The following FAM81B variants were observed in gnomAD, a reference collection of about 807,000 sequenced individuals.
The protein encoded by FAM81B is protein FAM81B.
Under a neutral mutation model 58.7 loss-of-function variants are expected in FAM81B, and 60 were observed. That is an observed-to-expected ratio of 1.02 (90% CI 0.83 to 1.27). The LOEUF (loss-of-function observed/expected upper bound fraction) is 1.27. FAM81B is among the 50% of genes most tolerant of loss of function. The pLI is 0.00. For synonymous variants in FAM81B, 189 were observed against 179.6 expected, an observed-to-expected ratio of 1.05 and a Z score of -0.42; for missense variants, 491 against 522.0, an observed-to-expected ratio of 0.94 and a Z score of 0.58.
In FAM81B at chr5:95,450,006, C is replaced by A. The variant is rs1463239973; in HGVS notation, c.1226-143C>A. On this transcript the variant is annotated intron_variant, in intron 9 of 9. Transcript: ENST00000283357. ...TGACATACAAGAAATATATTATGTA[C>A]AATTTTAGGCTGGTCTTCATAGAAT... 3 of 849,744 alleles carry A rather than the reference C, an allele frequency of 3.5e-6. No homozygotes were observed. The East Asian group carries it at 8.4e-5, about 24-fold the overall frequency. 52.6% of individuals were successfully genotyped at this position (849,744 alleles called of 1,614,324 possible).
intron 5 of FAM81B, among the ~76,000 whole-genome samples, chr5:95,422,375 C>T (rs2152765324): frequency 6.6e-6 from 1 of 151,732 alleles, no homozygotes; most frequent in African/African-American, 2.4e-5. Flanking sequence ...AGTTTTATAA[C>T]ATTTGGGTAA....
chr5:95,395,513 T>C (rs1056380321), intron 2 of FAM81B, among the ~76,000 whole-genome samples: 2 of 152,164 alleles, frequency 1.3e-5, no homozygotes, highest in African/African-American at 4.8e-5. Flanking sequence ...TTGGGTATCT[T>C]CTTTCCTGTC....
At chr5:95,392,273 T>G (rs1366704242) in intron 1 of FAM81B, among the ~76,000 whole-genome samples, 2 of 152,106 alleles carry the variant, frequency 1.3e-5, no homozygotes, top group Non-Finnish European at 2.9e-5. Context: ...AAACACCACA[T>G]GTTCTCACTC....
chr5:95,409,486 T>TTTTTTTTTTTTTTTTTTTTTTTAG (rs1554043553), intron 3 of FAM81B, among the ~76,000 whole-genome samples: 2 of 151,510 alleles, frequency 1.3e-5, no homozygotes, highest in South Asian at 2.1e-4. Flanking sequence ...GAATTTTTCT[T>TTTTTTTTTTTTTTTTTTTTTTTAG]AATGTGGCTA....
intron 3 of FAM81B, among the ~76,000 whole-genome samples, chr5:95,397,688 G>A (rs116996004): frequency 1.1e-3 from 174 of 152,270 alleles, no homozygotes; most frequent in East Asian, 0.011. Flanking sequence ...ATAATGCAAA[G>A]CAAAAGCATG....
chr5:95,414,738 C>T (rs892613456), intron 4 of FAM81B, among the ~76,000 whole-genome samples: 1 of 152,278 alleles, frequency 6.6e-6, no homozygotes, highest in Non-Finnish European at 1.5e-5. Flanking sequence ...TCCTATGCAA[C>T]GTGCTTCATT....
chr5:95,420,306 C>T lies in FAM81B; in HGVS notation c.560C>T (p.Ala187Val), dbSNP rs11555275. ...CAGATTTTAGAAGACCAAATAAGAG[C>T]TCGAGATCAGGCGGCCACAGGAACT... ...NIEILEDQIR[A>V]RDQAATGTNF... The change falls in exon 5 of 10, where the codon GCT becomes GTT. Residue 187 changes from alanine to valine, a missense_variant. Coordinates refer to ENST00000283357, the MANE Select transcript of FAM81B (RefSeq NM_152548.3). The T allele has an allele frequency of 0.026, 41,427 of 1,613,600 alleles. 640 individuals carry two copies. Among genetic ancestry groups the T allele is most frequent in the Middle Eastern group, 0.03 (179 of 6,062 alleles).
intron 6 of FAM81B, among the ~76,000 whole-genome samples, chr5:95,431,315 C>A (rs996995549): frequency 1.3e-5 from 2 of 152,032 alleles, no homozygotes; most frequent in African/African-American, 4.8e-5. Flanking sequence ...TTAAATCCTT[C>A]GTCCATTTGT....
chr5:95,396,224 T>C (rs1323042218), intron 3 of FAM81B, 49 bp downstream of exon 3: 4 of 1,419,506 alleles, frequency 2.8e-6, no homozygotes, highest in East Asian at 2.4e-5. Flanking sequence ...GCATTTATTG[T>C]GACAAATCTC....
At chr5:95,437,117 T>C (rs1312324829) in intron 7 of FAM81B, among the ~76,000 whole-genome samples, 1 of 152,114 alleles carries the variant, frequency 6.6e-6, no homozygotes, top group Non-Finnish European at 1.5e-5. Context: ...ATCATTCACT[T>C]TGACTGCACA....
At chr5:95,398,455 A>AAAT (rs1561289603) in intron 3 of FAM81B, among the ~76,000 whole-genome samples, 355 of 129,890 alleles carry the variant, frequency 2.7e-3, no homozygotes, top group African/African-American at 9.8e-3. Flanking sequence ...AATAAATAAA[A>AAAT]AACTTCAGCC....
chr5:95,404,728 C>T (rs866037485), intron 3 of FAM81B, among the ~76,000 whole-genome samples: 4 of 152,164 alleles, frequency 2.6e-5, no homozygotes, highest in Non-Finnish European at 5.9e-5. Flanking sequence ...ACACATTCTT[C>T]TCAATGTTGG....
Position 95,414,159 on chromosome 5 carries a change from G to A in FAM81B, c.506G>A (p.Ser169Asn). ...LLESHIQTIT[S>N]IVKKLSQNIE... ...GAAAGCCACATCCAGACCATCACCA[G>A]CATCGTCAAAAAACTCAGCCAAAAT... The change falls in exon 4 of 10, where the codon AGC (serine) becomes AAC (asparagine). Residue 169 changes from serine to asparagine, a missense_variant. Ser to Asn is a conservative substitution (Grantham distance 46). Coordinates refer to ENST00000283357, the MANE Select transcript of FAM81B (RefSeq NM_152548.3). 1 of 1,612,142 alleles carries A rather than the reference G, an allele frequency of 6.2e-7. No homozygotes were observed. Among genetic ancestry groups the A allele is most frequent in the Non-Finnish European group, 8.5e-7 (1 of 1,179,420 alleles).
rs1745121823 is a variant in FAM81B, at chr5:95,436,867, A to G, written c.854A>G (p.Gln285Arg). ...CAAACCTCGAATTTAAAGATGGTCCAGGGGGATTATCGCCACGAAATGAAC... is the reference window on the plus strand; with the variant it reads ...CAAACCTCGAATTTAAAGATGGTCCGGGGGGATTATCGCCACGAAATGAAC... ...SEQTSNLKMV[Q>R]GDYRHEMNLL... is the part of the protein sequence containing the mutation. Residue 285 changes from glutamine (Q) to arginine (R), a missense_variant, in exon 7 of 10, where the codon CAG (glutamine) becomes CGG (arginine). Transcript: ENST00000283357. 6.2e-7 allele frequency: 1 copy of G among 1,613,724 alleles called. No individual in the cohort carries two copies. Among genetic ancestry groups the G allele is most frequent in the Admixed American group, 1.7e-5 (1 of 60,010 alleles).
At chr5:95,436,294 G>C (rs1296844731) in intron 6 of FAM81B, among the ~76,000 whole-genome samples, 1 of 152,222 alleles carries the variant, frequency 6.6e-6, no homozygotes, top group East Asian at 1.9e-4. Context: ...AATACTATCT[G>C]GAAATCTTGG....
chr5:95,435,606 G>T (rs985724307), intron 6 of FAM81B, among the ~76,000 whole-genome samples: 1 of 152,024 alleles, frequency 6.6e-6, no homozygotes, highest in Non-Finnish European at 1.5e-5. Context: ...AATCATTAAT[G>T]TATTGTCTCT....
At chr5:95,410,479 G>A (rs1052355558) in intron 3 of FAM81B, among the ~76,000 whole-genome samples, 2 of 152,066 alleles carry the variant, frequency 1.3e-5, no homozygotes, top group Non-Finnish European at 2.9e-5. Context: ...GCTGTCCCGA[G>A]GACATTTTCA....
At chr5:95,410,581 T>C (rs1762379845) in intron 3 of FAM81B, among the ~76,000 whole-genome samples, 1 of 152,230 alleles carries the variant, frequency 6.6e-6, no homozygotes, top group Admixed American at 6.5e-5. Context: ...GCCTTGGCTT[T>C]TTATGATCCA....
Position 95,450,434 on chromosome 5 carries a change from G to A in FAM81B, c.*152G>A, listed in dbSNP as rs947186203. 1.5e-6 allele frequency: 2 copies of A among 1,303,964 alleles called. No individual in the cohort carries two copies. The highest frequency in any genetic ancestry group is 2.1e-6 in the Non-Finnish European group (2 of 972,002). The allele number at this position is 1,303,964 out of a possible 1,614,324, so 80.8% of individuals were successfully genotyped here. A position where few individuals can be genotyped will look rare whatever the true frequency, so the allele number is the denominator to read the frequency against. Reference sequence around the variant, plus strand: ...ACCAGAAAAATAATAAAGCAAAGAAGCTTCGGATGTCTTGAATTTATTAAT... The same window carrying A: ...ACCAGAAAAATAATAAAGCAAAGAAACTTCGGATGTCTTGAATTTATTAAT... On this transcript the variant is annotated 3_prime_UTR_variant, in exon 10 of 10. Coordinates refer to ENST00000283357, the MANE Select transcript of FAM81B (RefSeq NM_152548.3).
Sources: allele counts gnomAD v4.1 joint callset (sites outside exome capture counted in the v4.1 genomes callset), GRCh38; gene constraint gnomAD v4.1.1; transcripts MANE v1.5; gene names NCBI Gene and HGNC (gene_info 2026-07-23, HGNC 2026-07-21).